Variants in COL26A1 observed in about 807,000 individuals in gnomAD.
COL26A1 encodes collagen alpha-1(XXVI) chain.
COL26A1 carries 41 observed loss-of-function variants against 59.3 expected under a neutral mutation model. The ratio of observed to expected loss-of-function variants is 0.69; its 90% CI spans 0.54 to 0.90. The LOEUF (loss-of-function observed/expected upper bound fraction) is 0.90, where lower values mean the gene tolerates loss of function less well. Among genes scored for constraint, COL26A1 ranks in the 40% least tolerant of loss-of-function variants. COL26A1 has a pLI of 0.00. For synonymous variants in COL26A1, 266 were observed against 256.0 expected (o/e 1.04, Z -0.37); for missense variants, 612 against 602.3 (o/e 1.02, Z -0.17).
intron 1 of COL26A1, among the ~76,000 whole-genome samples, chr7:101,405,445 C>G (rs553519387): frequency 6.6e-6 from 1 of 152,102 alleles, no homozygotes; most frequent in East Asian, 1.9e-4. Flanking sequence ...AGTGATCCTC[C>G]CACCTCAGCT....
At chr7:101,435,575 GTTC>G (rs1792894905) in intron 2 of COL26A1, among the ~76,000 whole-genome samples, 1 of 152,160 alleles carries the variant, frequency 6.6e-6, no homozygotes, top group Non-Finnish European at 1.5e-5. Flanking sequence ...GCTGGGCTCT[GTTC>G]ATTGCAGTGG....
intron 3 of COL26A1, among the ~76,000 whole-genome samples, chr7:101,465,291 C>T (rs1453277757): frequency 6.6e-6 from 1 of 152,152 alleles, no homozygotes; most frequent in Non-Finnish European, 1.5e-5. Context: ...CCTCCTGCCT[C>T]AGCTTCTCAA....
At chr7:101,377,970 A>G (rs1791357707) in intron 1 of COL26A1, among the ~76,000 whole-genome samples, 1 of 152,100 alleles carries the variant, frequency 6.6e-6, no homozygotes, top group South Asian at 2.1e-4. Context: ...CGGTGGCACA[A>G]TCACAGGTCA....
chr7:101,391,806 C>T (rs1381936135), intron 1 of COL26A1, among the ~76,000 whole-genome samples: 2 of 152,194 alleles, frequency 1.3e-5, no homozygotes, highest in Non-Finnish European at 2.9e-5. Context: ...CTGCCCACCT[C>T]GGTCTTCCAA....
Position 101,557,458 on chromosome 7 carries a change from TG to T in COL26A1, c.1258del (p.Val420SerfsTer113). The T allele has an allele frequency of 6.2e-7, 1 of 1,613,710 alleles. No homozygotes were observed. Among genetic ancestry groups the T allele is most frequent in the Non-Finnish European group, 8.5e-7 (1 of 1,179,724 alleles). On this transcript the variant is annotated frameshift_variant, in exon 13 of 13. Transcript: ENST00000313669. LOFTEE classifies it high-confidence loss of function. ...KMKRGGAQPD[G>X]VLAALLGPDP... Reference sequence around the variant, plus strand: ...TGAAGAGGGGTGGCGCCCAACCCGATGGGGTCCTTGCTGCCCTGCTTGGGCC... The same window carrying T: ...TGAAGAGGGGTGGCGCCCAACCCGATGGGTCCTTGCTGCCCTGCTTGGGCC...
rs1004767307 is a variant in COL26A1, at chr7:101,476,732, A to C, written c.385+28945A>C. Among the ~76,000 whole-genome samples the C allele has an allele frequency of 6.0e-5, 9 of 150,896 alleles. No homozygotes were observed. The South Asian group carries it at 1.9e-3, about 32-fold the overall frequency. ...CCGGCTAATTTTTTGTATTTTTAGT[A>C]GAGACGGGGTTTTACCGTGTTAGCC... On this transcript the variant is annotated intron_variant, in intron 3 of 12. Coordinates refer to ENST00000313669, the MANE Select transcript of COL26A1 (RefSeq NM_001278563.3).
At chr7:101,468,896 C>T (rs1793828551) in intron 3 of COL26A1, among the ~76,000 whole-genome samples, 1 of 152,182 alleles carries the variant, frequency 6.6e-6, no homozygotes, top group South Asian at 2.1e-4. Flanking sequence ...GGCCTGGCTC[C>T]CATTAAGCAG....
At chr7:101,438,323 T>C (rs887680704) in intron 2 of COL26A1, among the ~76,000 whole-genome samples, 15 of 151,466 alleles carry the variant, frequency 9.9e-5, no homozygotes, top group African/African-American at 3.6e-4. Context: ...ATTGTGCCAT[T>C]GCACTCCAGC....
intron 2 of COL26A1, among the ~76,000 whole-genome samples, chr7:101,421,496 G>A (rs1464991672): frequency 1.3e-5 from 2 of 151,980 alleles, no homozygotes; most frequent in Non-Finnish European, 2.9e-5. Context: ...ACAACATGGC[G>A]AAACCCAGTT....
intron 11 of COL26A1, among the ~76,000 whole-genome samples, chr7:101,555,094 T>C (rs757760312): frequency 1.3e-5 from 2 of 152,100 alleles, no homozygotes; most frequent in Non-Finnish European, 2.9e-5. Context: ...ACAGTGGCTT[T>C]GTCTCCTCAT....
At chr7:101,426,183 G>A (rs748850968) in intron 2 of COL26A1, among the ~76,000 whole-genome samples, 8 of 152,084 alleles carry the variant, frequency 5.3e-5, no homozygotes, top group Admixed American at 1.3e-4. Context: ...AAGAGTCTGC[G>A]TGCTGGGTAG....
At chr7:101,405,459 C>T (rs1792107207) in intron 1 of COL26A1, among the ~76,000 whole-genome samples, 1 of 151,964 alleles carries the variant, frequency 6.6e-6, no homozygotes, top group Non-Finnish European at 1.5e-5. Flanking sequence ...CTCAGCTCCC[C>T]AAATTGGACT....
chr7:101,371,192 G>A (rs758274161), intron 1 of COL26A1, among the ~76,000 whole-genome samples: 4 of 152,196 alleles, frequency 2.6e-5, no homozygotes, highest in Non-Finnish European at 5.9e-5. Flanking sequence ...GGACTCAAAC[G>A]TGAAGGCAGG....
intron 2 of COL26A1, among the ~76,000 whole-genome samples, chr7:101,433,924 C>G (rs1792839636): frequency 2.0e-5 from 3 of 152,054 alleles, no homozygotes; most frequent in Admixed American, 2.0e-4. Context: ...CATTGAGGTG[C>G]TCAACAATGT....
intron 3 of COL26A1, among the ~76,000 whole-genome samples, chr7:101,467,911 A>G (rs1388882333): frequency 6.6e-6 from 1 of 151,764 alleles, no homozygotes; most frequent in African/African-American, 2.4e-5. Flanking sequence ...GCCATGTTGA[A>G]CCTACCTGGC....
At position 101,475,920 on chromosome 7, in the gene COL26A1, T is replaced by TCTCTC. The variant is rs1563000308; in HGVS notation, c.385+28133_385+28134insCTCTC. 3.9e-4 allele frequency among the ~76,000 whole-genome samples: 57 copies of TCTCTC among 146,512 alleles called. No homozygotes were observed. The Middle Eastern group carries it at 0.014, about 35-fold the overall frequency. On this transcript the variant is annotated intron_variant, in intron 3 of 12. Transcript: ENST00000313669. ...TCTCTCTCTTTCTCTCTCTCTCTCTTTCTTTCTCTCTCTCTTTCTTTCTTC... is the reference window on the plus strand; with the variant it reads ...TCTCTCTCTTTCTCTCTCTCTCTCTTCTCTCTCTTTCTCTCTCTCTTTCTTTCTTC...
upstream of COL26A1, chr7:101,362,860 C>T (rs1584338194): frequency 1.6e-6 from 1 of 613,948 alleles, no homozygotes; most frequent in Non-Finnish European, 2.7e-6. Context: ...AAGGCGGCCC[C>T]GGAGAGGCGT....
chr7:101,531,193 G>T (rs1020196526), intron 3 of COL26A1, among the ~76,000 whole-genome samples: 1 of 152,044 alleles, frequency 6.6e-6, no homozygotes, highest in Non-Finnish European at 1.5e-5. Flanking sequence ...GGATTGTCTC[G>T]ATCTCCTGAC....
At position 101,505,011 on chromosome 7, in the gene COL26A1, C is replaced by T. The variant is rs533729452; in HGVS notation, c.386-28071C>T. 2.9e-3 allele frequency among the ~76,000 whole-genome samples: 446 copies of T among 152,212 alleles called. 1 individual carries two copies. Among genetic ancestry groups the T allele is most frequent in the Middle Eastern group, 0.01 (3 of 294 alleles). ...TCTACTAAAAATACAAAAAATTAGC[C>T]GGGTATGGTGGCGAACGCCTGTAAT... is the stretch of plus-strand genomic sequence containing the variant. On this transcript the variant is annotated intron_variant, in intron 3 of 12. Transcript: ENST00000313669.
Sources: allele counts gnomAD v4.1 joint callset (sites outside exome capture counted in the v4.1 genomes callset), GRCh38; gene constraint gnomAD v4.1.1; transcripts MANE v1.5; gene names NCBI Gene and HGNC (gene_info 2026-07-23, HGNC 2026-07-21).